TSNARE1: variants seen among roughly 807,000 people sequenced by gnomAD.
The protein encoded by TSNARE1 is t-SNARE domain-containing protein 1.
Under a neutral mutation model 62.0 loss-of-function variants are expected in TSNARE1, and 49 were observed. The ratio of observed to expected loss-of-function variants is 0.79; its 90% CI spans 0.63 to 1.00. The LOEUF (loss-of-function observed/expected upper bound fraction) is 1.00. Ranked by LOEUF, TSNARE1 falls within the 50% of genes least tolerant of loss-of-function variation. The probability of loss-of-function intolerance (pLI) is 0.00; values close to 1 mark genes in which losing one functional copy is unlikely to be tolerated. For missense variants in TSNARE1, 755 were observed against 700.1 expected, an observed-to-expected ratio of 1.08 and a Z score of -0.88; for synonymous variants, 328 against 294.4, an observed-to-expected ratio of 1.11 and a Z score of -1.17.
chr8:142,276,761 A>G (rs1820570749), intron 11 of TSNARE1: 1 of 985,354 alleles, frequency 1.0e-6, no homozygotes, highest in Non-Finnish European at 1.2e-6. Context: ...CACCCTCAGA[A>G]TGGGGACTGA....
At chr8:142,350,901 C>T (rs979403368) in intron 2 of TSNARE1, among the ~76,000 whole-genome samples, 7 of 152,178 alleles carry the variant, frequency 4.6e-5, no homozygotes, top group African/African-American at 1.2e-4. Context: ...AGCTGTAACA[C>T]GGGATCTCGG....
chr8:142,315,594 AGAGCTG>A (rs149306925), intron 7 of TSNARE1, among the ~76,000 whole-genome samples: 5 of 152,066 alleles, frequency 3.3e-5, no homozygotes, highest in Non-Finnish European at 7.4e-5. Context: ...CACCTGCTTC[AGAGCTG>A]GAGCTGGAGA....
chr8:142,255,548 C>T (rs1400195720), intron 12 of TSNARE1, among the ~76,000 whole-genome samples: 1 of 45,694 alleles, frequency 2.2e-5, no homozygotes, highest in African/African-American at 1.3e-4. Flanking sequence ...ACCATCACCA[C>T]CACCATCACC....
chr8:142,260,122 C>G lies in TSNARE1; in HGVS notation c.1446+14659G>C, dbSNP rs57272812. ...TTGATTCCCTAGAGCCAATGGCTAA[C>G]TCCTTCCTCCGGTCTCCACAGCCCC... On this transcript the variant is annotated intron_variant, in intron 12 of 13. Coordinates refer to ENST00000524325, the MANE Select transcript of TSNARE1 (RefSeq NM_145003.5). Among the ~76,000 whole-genome samples the G allele has an allele frequency of 6.0e-4, 91 of 152,176 alleles. No homozygotes were observed. In the East Asian group the frequency reaches 8.0e-3, roughly 13 times the overall value.
At chr8:142,295,473 G>A (rs28758911) in intron 10 of TSNARE1, among the ~76,000 whole-genome samples, 36,430 of 152,176 alleles carry the variant, frequency 0.24, 4,946 homozygotes, top group African/African-American at 0.36. Context: ...CAGCTGGAGC[G>A]GGCCTGTCTG....
intron 1 of TSNARE1, among the ~76,000 whole-genome samples, chr8:142,362,754 G>T (rs1301674731): frequency 6.6e-6 from 1 of 152,230 alleles, no homozygotes; most frequent in Non-Finnish European, 1.5e-5. Context: ...CACAGTCCCA[G>T]TCCAGGAGCA....
intron 10 of TSNARE1, among the ~76,000 whole-genome samples, chr8:142,293,538 G>T (rs1412941104): frequency 1.3e-5 from 2 of 152,350 alleles, no homozygotes; most frequent in African/African-American, 2.4e-5. Flanking sequence ...CCTGCCCAGG[G>T]TCACATGGCC....
intron 12 of TSNARE1, among the ~76,000 whole-genome samples, chr8:142,268,367 T>C (rs922672827): frequency 3.9e-5 from 6 of 152,202 alleles, no homozygotes; most frequent in Non-Finnish European, 7.3e-5. Context: ...AATGCAGAGG[T>C]GAAGCCGGCT....
At chr8:142,237,987 G>C (rs542340926) in intron 12 of TSNARE1, among the ~76,000 whole-genome samples, 1 of 151,102 alleles carries the variant, frequency 6.6e-6, no homozygotes, top group African/African-American at 2.4e-5. Flanking sequence ...GCCTGCCCAC[G>C]CCACCCGCCC....
At chr8:142,297,826 C>T in intron 10 of TSNARE1, among the ~76,000 whole-genome samples, 1 of 152,198 alleles carries the variant, frequency 6.6e-6, no homozygotes, top group Admixed American at 6.5e-5. Context: ...TTTGTTTTTC[C>T]CGTTTTCAGA....
At chr8:142,267,186 C>T (rs905897664) in intron 12 of TSNARE1, among the ~76,000 whole-genome samples, 15 of 152,194 alleles carry the variant, frequency 9.9e-5, no homozygotes, top group Admixed American at 2.0e-4. Context: ...TTTCCCTCAA[C>T]GGCTTTCCCC....
chr8:142,330,887 G>GC lies in TSNARE1; in HGVS notation c.893+13dup. 1 of 1,613,806 alleles carries GC rather than the reference G, an allele frequency of 6.2e-7. No homozygotes were observed. Among genetic ancestry groups the GC allele is most frequent in the Non-Finnish European group, 8.5e-7 (1 of 1,179,796 alleles). ...CACGCCCAGGCAAAGAGATACCATG[G>GC]CCCACACACTCACAGGCTGTCCCGA... is the stretch of plus-strand genomic sequence containing the variant. On this transcript the variant is annotated intron_variant, in intron 6 of 13. Transcript: ENST00000524325.
intron 10 of TSNARE1, among the ~76,000 whole-genome samples, chr8:142,289,047 G>A (rs1823312257): frequency 6.6e-6 from 1 of 152,142 alleles, no homozygotes; most frequent in Admixed American, 6.5e-5. Flanking sequence ...CATTTTAGGC[G>A]CCCCTCTCTT....
chr8:142,318,785 C>T (rs1828993531), intron 6 of TSNARE1, 151 bp from the exon 7 acceptor site: 2 of 663,196 alleles, frequency 3.0e-6, no homozygotes, highest in Admixed American at 2.6e-5. Context: ...CCGAGAGACA[C>T]ACAGAGACAG....
At chr8:142,386,658 T>C (rs1219298892) in intron 1 of TSNARE1, among the ~76,000 whole-genome samples, 1 of 152,186 alleles carries the variant, frequency 6.6e-6, no homozygotes, top group Non-Finnish European at 1.5e-5. Flanking sequence ...GGCAAAGGTA[T>C]GCCAAGCAGA....
chr8:142,260,720 G>A (rs1425206643), intron 12 of TSNARE1, among the ~76,000 whole-genome samples: 1 of 151,746 alleles, frequency 6.6e-6, no homozygotes, highest in Non-Finnish European at 1.5e-5. Context: ...CAGTTCCTGG[G>A]GGAAGCACAG....
chr8:142,349,134 C>T (rs796713875), intron 2 of TSNARE1, among the ~76,000 whole-genome samples: 3 of 152,184 alleles, frequency 2.0e-5, no homozygotes, highest in Admixed American at 1.3e-4. Context: ...GCAGCCCCAG[C>T]GCGACGATTT....
chr8:142,336,262 C>CA (rs1481517191), intron 4 of TSNARE1, among the ~76,000 whole-genome samples: 9 of 111,498 alleles, frequency 8.1e-5, no homozygotes, highest in African/African-American at 2.9e-4. Flanking sequence ...GCATGGACAA[C>CA]AGAGCAAGAG....
intron 13 of TSNARE1, among the ~76,000 whole-genome samples, chr8:142,214,969 G>A (rs912518949): frequency 2.0e-5 from 3 of 152,160 alleles, no homozygotes; most frequent in South Asian, 2.1e-4. Flanking sequence ...ACCCCTCACC[G>A]ACAAGGGCTC....
Sources: gnomAD v4.1 joint callset for allele counts (sites outside exome capture counted in the v4.1 genomes callset) on GRCh38, gnomAD v4.1.1 for gene constraint, MANE v1.5 for transcripts, NCBI Gene and HGNC (gene_info 2026-07-23, HGNC 2026-07-21) for gene names.